DPYD: variants seen among roughly 807,000 people sequenced by gnomAD.
DPYD encodes dihydropyrimidine dehydrogenase [NADP(+)].
A neutral mutation model predicts 116.2 loss-of-function variants in DPYD; 109 were observed. The ratio of observed to expected loss-of-function variants is 0.94; its 90% CI spans 0.80 to 1.10. The LOEUF is 1.10. Among genes scored for constraint, DPYD ranks in the 50% least tolerant of loss-of-function variants. The pLI is 0.00. For missense variants in DPYD, 1,302 were observed against 1,254.5 expected (o/e 1.04, Z -0.57); for synonymous variants, 440 against 432.0 (o/e 1.02, Z -0.23).
At chr1:97,485,385 A>G (rs1678571853) in intron 13 of DPYD, among the ~76,000 whole-genome samples, 1 of 152,102 alleles carries the variant, frequency 6.6e-6, no homozygotes, top group Non-Finnish European at 1.5e-5. Context: ...TATGTTTAGT[A>G]GAGATGAGGT....
At chr1:97,557,100 T>C (rs1292428529) in intron 11 of DPYD, among the ~76,000 whole-genome samples, 1 of 151,964 alleles carries the variant, frequency 6.6e-6, no homozygotes, top group Admixed American at 6.6e-5. Context: ...ATTTCTCTGA[T>C]GGCCAGTGAT....
chr1:97,469,339 G>T (rs1237532723), intron 13 of DPYD, among the ~76,000 whole-genome samples: 1 of 129,914 alleles, frequency 7.7e-6, no homozygotes, highest in Non-Finnish European at 1.5e-5. Flanking sequence ...TATATACACT[G>T]CAGCCTTCCA....
intron 18 of DPYD, among the ~76,000 whole-genome samples, chr1:97,288,190 T>C (rs6694335): frequency 0.075 from 11,290 of 150,424 alleles, 956 homozygotes; most frequent in African/African-American, 0.21. Flanking sequence ...ATAAAGCAAG[T>C]CCTGAGTGAC....
At chr1:97,914,737 G>T (rs753014268) in intron 1 of DPYD, among the ~76,000 whole-genome samples, 1 of 152,080 alleles carries the variant, frequency 6.6e-6, no homozygotes, top group Non-Finnish European at 1.5e-5. Flanking sequence ...CATATTTTTA[G>T]ACAGAAATGA....
At chr1:97,751,460 G>GTGTATATATATATATATATATA (rs763260651) in intron 3 of DPYD, among the ~76,000 whole-genome samples, 1 of 21,286 alleles carries the variant, frequency 4.7e-5, no homozygotes, top group African/African-American at 1.7e-4. Context: ...GTGTGTGTGT[G>GTGTATATATATATATATATATA]TATATATATA....
At chr1:97,537,349 A>G (rs1650083702) in intron 12 of DPYD, among the ~76,000 whole-genome samples, 1 of 152,224 alleles carries the variant, frequency 6.6e-6, no homozygotes, top group Admixed American at 6.5e-5. Flanking sequence ...AACATAAAAT[A>G]AAATAGTAAA....
intron 3 of DPYD, among the ~76,000 whole-genome samples, chr1:97,791,503 C>T (rs972627501): frequency 2.0e-5 from 3 of 152,064 alleles, no homozygotes; most frequent in Non-Finnish European, 2.9e-5. Context: ...TAAATTTGTA[C>T]CATGTGTAAA....
chr1:97,421,294 G>A (rs1340414940), intron 14 of DPYD, among the ~76,000 whole-genome samples: 5 of 152,110 alleles, frequency 3.3e-5, no homozygotes, highest in African/African-American at 1.2e-4. Flanking sequence ...AAATCTTCAT[G>A]TATTGTATCA....
At chr1:97,451,282 CAT>C (rs1213945076) in intron 13 of DPYD, among the ~76,000 whole-genome samples, 1 of 152,046 alleles carries the variant, frequency 6.6e-6, no homozygotes, top group African/African-American at 2.4e-5. Flanking sequence ...TGCTGATCTG[CAT>C]ATGTTTGATA....
chr1:97,253,298 A>G (rs1251176515), intron 18 of DPYD, among the ~76,000 whole-genome samples: 1 of 152,214 alleles, frequency 6.6e-6, no homozygotes, highest in Non-Finnish European at 1.5e-5. Context: ...GAAAATGTCA[A>G]ATGGAAAACG....
At chr1:97,901,868 A>C (rs1673386205) in intron 1 of DPYD, among the ~76,000 whole-genome samples, 1 of 151,896 alleles carries the variant, frequency 6.6e-6, no homozygotes, top group South Asian at 2.1e-4. Flanking sequence ...TATCAAAAAT[A>C]CATTTACCAT....
chr1:97,812,196 A>G (rs1279512205), intron 3 of DPYD, among the ~76,000 whole-genome samples: 2 of 152,152 alleles, frequency 1.3e-5, no homozygotes, highest in Non-Finnish European at 2.9e-5. Context: ...ACCTCTTTTG[A>G]CAGTAAATCT....
intron 2 of DPYD, chr1:97,854,933 G>A (rs1351639765): frequency 6.6e-6 from 1 of 152,214 alleles, no homozygotes; most frequent in East Asian, 1.9e-4. Context: ...TCCCAACAGA[G>A]AACCCATGAA....
intron 19 of DPYD, among the ~76,000 whole-genome samples, chr1:97,233,484 G>A (rs1351615677): frequency 6.6e-6 from 1 of 152,084 alleles, no homozygotes; most frequent in Non-Finnish European, 1.5e-5. Flanking sequence ...GGTGAGGGTG[G>A]ACGTCTAAGA....
chr1:97,796,249 A>T (rs953452106), intron 3 of DPYD, among the ~76,000 whole-genome samples: 1 of 152,096 alleles, frequency 6.6e-6, no homozygotes, highest in Non-Finnish European at 1.5e-5. Context: ...AATTTTATAG[A>T]TGTAAGTACT....
intron 18 of DPYD, among the ~76,000 whole-genome samples, chr1:97,290,458 A>G (rs1666062540): frequency 6.6e-6 from 1 of 152,160 alleles, no homozygotes; most frequent in Non-Finnish European, 1.5e-5. Context: ...ACAGTAACCA[A>G]AACAGCATGG....
intron 8 of DPYD, among the ~76,000 whole-genome samples, chr1:97,615,678 G>A (rs891592471): frequency 1.3e-5 from 2 of 151,936 alleles, no homozygotes; most frequent in African/African-American, 4.8e-5. Flanking sequence ...TTTCCTCTCT[G>A]TTGGTATCAT....
Position 97,615,083 on chromosome 1 carries a change from G to C in DPYD, c.851-19917C>G, listed in dbSNP as rs918824494. Among the ~76,000 whole-genome samples, 7 of 152,098 alleles carry C rather than the reference G, an allele frequency of 4.6e-5. No individual in the cohort carries two copies. The East Asian group carries it at 1.4e-3, about 29-fold the overall frequency. On this transcript the variant is annotated intron_variant, in intron 8 of 22. Coordinates refer to ENST00000370192, the MANE Select transcript of DPYD (RefSeq NM_000110.4). Reference sequence around the variant, plus strand: ...CTATGATTAAAGTTAGCACACATTTGGAAACTTGCATAACACTGCTAAGGT... The same window carrying C: ...CTATGATTAAAGTTAGCACACATTTCGAAACTTGCATAACACTGCTAAGGT...
intron 21 of DPYD, among the ~76,000 whole-genome samples, chr1:97,094,456 G>A (rs1650099608): frequency 6.6e-6 from 1 of 152,146 alleles, no homozygotes; most frequent in East Asian, 1.9e-4. Flanking sequence ...TAAGAGGAGG[G>A]AGATGTAAGA....
Sources: gnomAD v4.1 joint callset for allele counts (sites outside exome capture counted in the v4.1 genomes callset) on GRCh38, gnomAD v4.1.1 for gene constraint, MANE v1.5 for transcripts, NCBI Gene and HGNC (gene_info 2026-07-23, HGNC 2026-07-21) for gene names.